The following ERICH6B variants were observed in gnomAD, a reference collection of about 807,000 sequenced individuals.
The protein encoded by ERICH6B is glutamate-rich protein 6B.
A neutral mutation model predicts 80.0 loss-of-function variants in ERICH6B; 69 were observed. That is an observed-to-expected ratio of 0.86 (90% CI 0.71 to 1.05). ERICH6B has a LOEUF of 1.05. Ranked by LOEUF, ERICH6B falls within the 50% of genes least tolerant of loss-of-function variation. ERICH6B has a pLI of 0.00. For missense variants in ERICH6B, 754 were observed against 796.1 expected, an observed-to-expected ratio of 0.95 and a Z score of 0.64; for synonymous variants, 283 against 291.9, an observed-to-expected ratio of 0.97 and a Z score of 0.31.
chr13:45,574,714 A>G, intron 8 of ERICH6B, 128 bp downstream of exon 8: 1 of 690,608 alleles, frequency 1.4e-6, no homozygotes, highest in Admixed American at 2.7e-5. Context: ...AGTCTGGGAT[A>G]TATGAAGCAA....
At chr13:45,581,836 C>T (rs752766288) in intron 5 of ERICH6B, among the ~76,000 whole-genome samples, 6 of 152,178 alleles carry the variant, frequency 3.9e-5, no homozygotes, top group Non-Finnish European at 5.9e-5. Context: ...TGAACACTTG[C>T]CATATCAGTG....
intron 14 of ERICH6B, among the ~76,000 whole-genome samples, chr13:45,542,643 AG>A (rs1207304743): frequency 6.6e-6 from 1 of 152,040 alleles, no homozygotes; most frequent in Admixed American, 6.5e-5. Flanking sequence ...CGCCATTCAA[AG>A]GCCGGTGCCC....
intron 7 of ERICH6B, among the ~76,000 whole-genome samples, chr13:45,576,792 C>A (rs1416417367): frequency 6.6e-6 from 1 of 152,112 alleles, no homozygotes; most frequent in African/African-American, 2.4e-5. Flanking sequence ...AACTGGGCAG[C>A]ACTGAATACT....
intron 11 of ERICH6B, among the ~76,000 whole-genome samples, chr13:45,553,857 T>C (rs1874325099): frequency 6.6e-6 from 1 of 152,152 alleles, no homozygotes; most frequent in African/African-American, 2.4e-5. Context: ...AATTAAAAAT[T>C]GTATATATTT....
rs1418956415 is a variant in ERICH6B, at chr13:45,561,530, C to G, written c.1250-4G>C. 1 of 1,550,542 alleles carries G rather than the reference C, an allele frequency of 6.4e-7. No individual in the cohort carries two copies. ...GTCATCTCTGTTAACTTTTGAGCTG[C>G]CATTCAATTCAACGATTGCATTGAA... On this transcript the variant is annotated splice_region_variant and splice_polypyrimidine_tract_variant and intron_variant, in intron 10 of 14. Coordinates refer to ENST00000298738, the MANE Select transcript of ERICH6B (RefSeq NM_182542.3).
At chr13:45,551,169 C>G (rs1367958921) in intron 11 of ERICH6B, among the ~76,000 whole-genome samples, 1 of 152,036 alleles carries the variant, frequency 6.6e-6, no homozygotes, top group Non-Finnish European at 1.5e-5. Context: ...TGTTTTCATT[C>G]TCTTTATTAT....
chr13:45,607,916 C>T lies in ERICH6B; in HGVS notation c.-110-301G>A, dbSNP rs186856819. ...GGGCACTGCAGAGAACTCACAGGGA[C>T]GCCACAGTATAGTTTAAATTTTTGA... On this transcript the variant is annotated intron_variant, in intron 1 of 14. Transcript: ENST00000298738. Among the ~76,000 whole-genome samples, 8 of 152,256 alleles carry T rather than the reference C, an allele frequency of 5.3e-5. No homozygotes were observed. The East Asian group carries it at 1.2e-3, about 22-fold the overall frequency.
At chr13:45,579,236 C>T (rs1875553845) in intron 7 of ERICH6B, among the ~76,000 whole-genome samples, 1 of 152,162 alleles carries the variant, frequency 6.6e-6, no homozygotes, top group South Asian at 2.1e-4. Context: ...GGTGGGATGC[C>T]TACTCTAGAG....
chr13:45,574,818 G>T, intron 8 of ERICH6B, 24 bp downstream of exon 8: 6 of 1,489,500 alleles, frequency 4.0e-6, no homozygotes, highest in South Asian at 1.2e-5. Flanking sequence ...TGGGGGGGGG[G>T]TCTCAAGTTT....
At chr13:45,605,783 G>A (rs1025733126) in intron 2 of ERICH6B, among the ~76,000 whole-genome samples, 4 of 152,236 alleles carry the variant, frequency 2.6e-5, no homozygotes, top group African/African-American at 7.2e-5. Context: ...GGGAGAAGAG[G>A]AGGAGGGAGA....
In ERICH6B at chr13:45,580,473, G is replaced by T. The variant is rs1875609079; in HGVS notation, c.919+130C>A. The T allele has an allele frequency of 4.4e-6, 4 of 900,564 alleles. No homozygotes were observed. In the South Asian group the frequency reaches 6.4e-5, roughly 14 times the overall value. 55.8% of individuals were successfully genotyped at this position (900,564 alleles called of 1,614,324 possible). A position where few individuals can be genotyped will look rare whatever the true frequency, so the allele number is the denominator to read the frequency against. ...TGCCTTGGCCATTGGCCTCCATTAA[G>T]CCTGCTCTGTTCTAAAATGGCCAAC... On this transcript the variant is annotated intron_variant, in intron 6 of 14. Coordinates refer to ENST00000298738, the MANE Select transcript of ERICH6B (RefSeq NM_182542.3).
intron 11 of ERICH6B, among the ~76,000 whole-genome samples, chr13:45,557,081 C>T (rs765596806): frequency 1.1e-4 from 17 of 152,030 alleles, no homozygotes; most frequent in South Asian, 4.2e-4. Context: ...CTCTGTTCAC[C>T]GCATCCACAC....
Position 45,590,683 on chromosome 13 carries a change from A to G in ERICH6B, c.652T>C (p.Tyr218His), listed in dbSNP as rs1442833832. ...CGAAGAAGCATGGTTTGTGATGAAT[A>G]ACTTGCCTTGGGTTCTATTGGAAAA... is the stretch of plus-strand genomic sequence containing the variant. ...KKYLKEPKAS[Y>H]SSQTMLLRDA... is the part of the protein sequence containing the mutation. The change falls in exon 4 of 15, where the codon TAT becomes CAT. Residue 218 changes from tyrosine (Y) to histidine (H), a missense_variant. By Grantham distance (83) the Tyr-to-His change is moderately conservative. Coordinates refer to ENST00000298738, the MANE Select transcript of ERICH6B (RefSeq NM_182542.3). 1 of 1,551,500 alleles carries G rather than the reference A, an allele frequency of 6.4e-7. No individual in the cohort carries two copies. The highest frequency in any genetic ancestry group is 8.7e-7 in the Non-Finnish European group (1 of 1,146,994).
chr13:45,606,523 ATATATATATATATATATATATATATT>A (rs1566307725), intron 2 of ERICH6B, among the ~76,000 whole-genome samples: 45 of 34,410 alleles, frequency 1.3e-3, no homozygotes, highest in Non-Finnish European at 1.7e-3. Context: ...ATATATATAT[ATATATATATATATATATATATATATT>A]TTTTTTTTTT....
At chr13:45,609,232 C>T (rs1949885945) in intron 1 of ERICH6B, among the ~76,000 whole-genome samples, 1 of 152,184 alleles carries the variant, frequency 6.6e-6, no homozygotes, top group Admixed American at 6.5e-5. Context: ...CCCTCCTGGG[C>T]CGACCCAAGT....
intron 7 of ERICH6B, among the ~76,000 whole-genome samples, chr13:45,576,713 A>T (rs749243879): frequency 4.1e-4 from 62 of 151,186 alleles, no homozygotes; most frequent in Non-Finnish European, 8.8e-4. Flanking sequence ...ATATTTTAGT[A>T]GTTTTTTTTT....
At position 45,599,268 on chromosome 13, in the gene ERICH6B, A is replaced by G. The variant is rs145659889; in HGVS notation, c.-58-2205T>C. On this transcript the variant is annotated intron_variant, in intron 2 of 14. Transcript: ENST00000298738. The stretch of plus-strand genomic sequence containing the variant: ...GGGAGTAACCGGATCTGCCTGGGGC[A>G]GGGAAAGTTGGCCGTGTGGAGAGAT... 1.2e-4 allele frequency among the ~76,000 whole-genome samples: 19 copies of G among 152,350 alleles called. No homozygotes were observed. The East Asian group carries it at 3.7e-3, about 29-fold the overall frequency.
At chr13:45,584,783 C>A (rs1460617550) in intron 5 of ERICH6B, among the ~76,000 whole-genome samples, 2 of 152,178 alleles carry the variant, frequency 1.3e-5, no homozygotes, top group Admixed American at 6.5e-5. Flanking sequence ...TTGCTGTGGT[C>A]ACCTGTGTTT....
At chr13:45,597,934 G>T (rs1002542242) in intron 2 of ERICH6B, among the ~76,000 whole-genome samples, 2 of 152,050 alleles carry the variant, frequency 1.3e-5, no homozygotes, top group South Asian at 2.1e-4. Flanking sequence ...TGAATTACTG[G>T]GTTTCCTGAG....
Sources: gnomAD v4.1 joint callset for allele counts (sites outside exome capture counted in the v4.1 genomes callset) on GRCh38, gnomAD v4.1.1 for gene constraint, MANE v1.5 for transcripts, NCBI Gene and HGNC (gene_info 2026-07-23, HGNC 2026-07-21) for gene names.